Variants in IL34 observed in about 807,000 individuals in gnomAD.
IL34 encodes interleukin 34, also known as interleukin-34.
In IL34, 17 loss-of-function variants were observed where a neutral mutation model predicts 25.3. The observed-to-expected ratio is 0.67, with a 90% CI of 0.46 to 1.01. The LOEUF (loss-of-function observed/expected upper bound fraction) is 1.01. IL34 is among the 50% of genes least tolerant of loss of function. The pLI, the probability that IL34 is intolerant of heterozygous loss-of-function variation, is 0.00. For synonymous variants in IL34, 174 were observed against 140.9 expected (o/e 1.23, Z -1.66); for missense variants, 368 against 312.9 (o/e 1.18, Z -1.33).
intron 1 of IL34, among the ~76,000 whole-genome samples, chr16:70,613,394 C>G (rs780083369): frequency 1.3e-5 from 2 of 152,164 alleles, no homozygotes; most frequent in Non-Finnish European, 2.9e-5. Flanking sequence ...GCATGGCGGC[C>G]ACACTGGATG....
chr16:70,605,981 T>G (rs1259798547), intron 1 of IL34, among the ~76,000 whole-genome samples: 3 of 151,296 alleles, frequency 2.0e-5, no homozygotes, highest in Admixed American at 1.3e-4. Flanking sequence ...TTTTTTTTTT[T>G]TTTTTTTTTT....
chr16:70,648,971 T>C (rs778653010), intron 1 of IL34, among the ~76,000 whole-genome samples: 2 of 152,244 alleles, frequency 1.3e-5, no homozygotes, highest in South Asian at 2.1e-4. Context: ...CCTTTCCCTT[T>C]GTGTGTCTCT....
At chr16:70,621,860 G>A (rs12925616) in intron 1 of IL34, among the ~76,000 whole-genome samples, 59,010 of 151,508 alleles carry the variant, frequency 0.39, 12,266 homozygotes, top group South Asian at 0.61. Flanking sequence ...TGAGCCAGGA[G>A]AAGGACTTTC....
chr16:70,601,134 G>A (rs1176646040), intron 1 of IL34, among the ~76,000 whole-genome samples: 1 of 152,078 alleles, frequency 6.6e-6, no homozygotes, highest in African/African-American at 2.4e-5. Flanking sequence ...GGGAGTGCTG[G>A]GAAAGGAGGT....
intron 1 of IL34, among the ~76,000 whole-genome samples, chr16:70,581,383 C>G (rs565565236): frequency 6.6e-6 from 1 of 151,222 alleles, no homozygotes; most frequent in African/African-American, 2.4e-5. Context: ...CTTTTCTGGA[C>G]AACTCTGTGG....
chr16:70,652,788 G>A (rs112692162), intron 1 of IL34, among the ~76,000 whole-genome samples: 25 of 152,332 alleles, frequency 1.6e-4, no homozygotes, highest in South Asian at 6.2e-4. Flanking sequence ...TTAAGGCTTA[G>A]TGGTTTGAAG....
chr16:70,584,740 A>G (rs2050672002), intron 1 of IL34, among the ~76,000 whole-genome samples: 1 of 150,870 alleles, frequency 6.6e-6, no homozygotes, highest in South Asian at 2.1e-4. Flanking sequence ...TTGGTCTGTC[A>G]GCGAAGCTAG....
At chr16:70,595,380 T>C (rs1177220079) in intron 1 of IL34, among the ~76,000 whole-genome samples, 4 of 152,106 alleles carry the variant, frequency 2.6e-5, no homozygotes, top group Non-Finnish European at 5.9e-5. Context: ...TCACCCTGGC[T>C]GGAGTACATG....
At chr16:70,630,562 C>T (rs2151849593) in intron 1 of IL34, among the ~76,000 whole-genome samples, 1 of 151,534 alleles carries the variant, frequency 6.6e-6, no homozygotes, top group Admixed American at 6.6e-5. Flanking sequence ...CCTCCCCTCT[C>T]CTCTCCTCTT....
At chr16:70,655,924 T>C (rs900437439) in intron 2 of IL34, among the ~76,000 whole-genome samples, 2 of 152,214 alleles carry the variant, frequency 1.3e-5, no homozygotes, top group Non-Finnish European at 2.9e-5. Flanking sequence ...TACATATTTA[T>C]ATATAAAAGA....
In IL34 at chr16:70,613,130, C is replaced by T. The variant is rs147277413; in HGVS notation, c.-401+33081C>T. 6.4e-3 allele frequency among the ~76,000 whole-genome samples: 969 copies of T among 152,234 alleles called. 10 individuals carry two copies. Among genetic ancestry groups the T allele is most frequent in the African/African-American group, 0.021 (860 of 41,556 alleles). ...CTTCTTCAGGTTCCCACAGCAGGGCCGGTCGAAGGGGTGTCACTGGAAGTG... is the reference window on the plus strand; with the variant it reads ...CTTCTTCAGGTTCCCACAGCAGGGCTGGTCGAAGGGGTGTCACTGGAAGTG... On this transcript the variant is annotated intron_variant, in intron 1 of 6. Coordinates refer to the IL34 transcript ENST00000429149.
chr16:70,595,253 G>T (rs1197617120), intron 1 of IL34, among the ~76,000 whole-genome samples: 1 of 151,986 alleles, frequency 6.6e-6, no homozygotes, highest in African/African-American at 2.4e-5. Flanking sequence ...GAGCCACCGT[G>T]CCTGGCCTGC....
chr16:70,604,367 C>G (rs939481340), intron 1 of IL34, among the ~76,000 whole-genome samples: 1 of 152,194 alleles, frequency 6.6e-6, no homozygotes, highest in Non-Finnish European at 1.5e-5. Context: ...CTGGCCCCAT[C>G]GAATTTGAGG....
Position 70,618,889 on chromosome 16 carries a change from A to C in IL34, c.-400-27659A>C, listed in dbSNP as rs1469247269. 3.3e-5 allele frequency among the ~76,000 whole-genome samples: 5 copies of C among 152,198 alleles called. No homozygotes were observed. The East Asian group carries it at 9.6e-4, about 29-fold the overall frequency. On this transcript the variant is annotated intron_variant, in intron 1 of 6. Transcript: ENST00000429149. ...GCTGAGCTTGATGGGGGTCAGGGTC[A>C]GTCCAAGTGAAAGTGAAGAGAGGCT...
rs568269917 is a variant in IL34 at position 70,619,269 on chromosome 16, T to C, written c.-400-27279T>C. 2.4e-3 allele frequency among the ~76,000 whole-genome samples: 369 copies of C among 152,120 alleles called. 5 individuals carry two copies. Among genetic ancestry groups the C allele is most frequent in the African/African-American group, 8.4e-3 (347 of 41,500 alleles). The stretch of plus-strand genomic sequence containing the variant: ...TTTTAATGAGATGGTAAGGGGTGCA[T>C]GATCGGTCGCCAAGGAGGGAGTAGA... On this transcript the variant is annotated intron_variant, in intron 1 of 6. Coordinates refer to the IL34 transcript ENST00000429149.
At chr16:70,647,178 G>T (rs1008371974) in intron 1 of IL34, among the ~76,000 whole-genome samples, 6 of 152,256 alleles carry the variant, frequency 3.9e-5, no homozygotes, top group African/African-American at 1.4e-4. Context: ...GGCAAGCTGG[G>T]TGGGCAGTTC....
In IL34 at chr16:70,660,113, T is replaced by C. The variant is rs779902217; in HGVS notation, c.655T>C (p.Ser219Pro). ...ATQLYPPPPWSPSSPPHSTGS... is the reference protein window; with the variant it reads ...ATQLYPPPPWPPSSPPHSTGS... ...CCAGCTGTACCCTCCGCCCCCGTGG[T>C]CCCCCAGCTCCCCGCCTCACTCCAC... The change falls in exon 6 of 6, where the codon TCC becomes CCC. Residue 219 changes from serine (S) to proline (P), a missense_variant. Coordinates refer to ENST00000288098, the MANE Select transcript of IL34 (RefSeq NM_001393494.1). 9.9e-6 allele frequency: 16 copies of C among 1,612,380 alleles called. No individual in the cohort carries two copies. Among genetic ancestry groups the C allele is most frequent in the Admixed American group, 3.3e-5 (2 of 59,860 alleles).
chr16:70,637,799 A>C (rs773430542), intron 1 of IL34, among the ~76,000 whole-genome samples: 6 of 152,150 alleles, frequency 3.9e-5, no homozygotes, highest in Admixed American at 2.6e-4. Flanking sequence ...GGGAGGTTTG[A>C]TTCTCATAGT....
chr16:70,618,788 G>A (rs1456733679), intron 1 of IL34, among the ~76,000 whole-genome samples: 1 of 152,138 alleles, frequency 6.6e-6, no homozygotes, highest in Non-Finnish European at 1.5e-5. Flanking sequence ...GGTAACAGAT[G>A]AGGAAGAAAT....
Sources: allele counts gnomAD v4.1 joint callset (sites outside exome capture counted in the v4.1 genomes callset), GRCh38; gene constraint gnomAD v4.1.1; transcripts MANE v1.5; gene names NCBI Gene and HGNC (gene_info 2026-07-23, HGNC 2026-07-21).